The following PLCXD1 variants were observed in gnomAD, a reference collection of about 807,000 sequenced individuals.
PLCXD1 encodes the protein phosphatidylinositol specific phospholipase C X domain containing 1.
In PLCXD1, 45 loss-of-function variants were observed where a neutral mutation model predicts 37.8. That is an observed-to-expected ratio of 1.19 (90% confidence interval 0.94 to 1.53). The LOEUF is 1.53. Ranked by LOEUF, PLCXD1 falls within the 40% of genes most tolerant of loss-of-function variation. The probability of loss-of-function intolerance (pLI) is 0.00; values close to 1 mark genes in which losing one functional copy is unlikely to be tolerated. For missense variants in PLCXD1, 539 were observed against 454.7 expected (o/e 1.19, Z -1.69); for synonymous variants, 246 against 206.9 (o/e 1.19, Z -1.62).
rs1279271201 is a variant in PLCXD1, at chrX:291,654, G to A, written c.549G>A (p.Gly183=). The A allele has an allele frequency of 6.2e-7, 1 of 1,612,324 alleles. No homozygotes were observed. The highest frequency in any genetic ancestry group is 8.5e-7 in the Non-Finnish European group (1 of 1,179,744). ...TCGGGGACATGCTGTGTCCTCGTGG[G>A]GTGAGGAGGGGAAGGATATCCGCAC... ...NIFGDMLCPR[G]EVPTLRQLWS... is the part of the protein sequence containing the mutation. Residue 183 remains glycine (G), a splice_region_variant and synonymous_variant, in exon 5 of 7, where the codon GGG becomes GGA. Coordinates refer to ENST00000381657, the MANE Select transcript of PLCXD1 (RefSeq NM_018390.4).
intron 2 of PLCXD1, among the ~76,000 whole-genome samples, chrX:284,949 G>GC (rs1487859639): frequency 6.6e-6 from 1 of 152,082 alleles, no homozygotes; most frequent in African/African-American, 2.4e-5. Context: ...GGAAAGACCC[G>GC]CCCCGTGATT....
At chrX:291,921 A>T (rs1183148491) in intron 5 of PLCXD1, among the ~76,000 whole-genome samples, 1 of 151,812 alleles carries the variant, frequency 6.6e-6, no homozygotes, top group East Asian at 2.0e-4. Flanking sequence ...TCATCCCAGC[A>T]CTTTGGGAGG....
chrX:278,694 G>A (rs1407042978), upstream of PLCXD1, among the ~76,000 whole-genome samples: 2 of 138,162 alleles, frequency 1.4e-5, no homozygotes, highest in African/African-American at 2.7e-5. Context: ...AGCCGAGATT[G>A]CACCACTGCA....
At chrX:279,934 C>T (rs1191740330), upstream of PLCXD1, among the ~76,000 whole-genome samples, 1 of 152,140 alleles carries the variant, frequency 6.6e-6, no homozygotes, top group Non-Finnish European at 1.5e-5. Context: ...ACTGCAACCT[C>T]CGCCTCCCGG....
In PLCXD1 at chrX:299,383, G is replaced by T. The variant is rs111535574; in HGVS notation, c.*48G>T. 1 of 1,296,170 alleles carries T rather than the reference G, an allele frequency of 7.7e-7. No individual in the cohort carries two copies. Among genetic ancestry groups the T allele is most frequent in the Admixed American group, 1.7e-5 (1 of 59,394 alleles). 80.3% of individuals were successfully genotyped at this position (1,296,170 alleles called of 1,614,324 possible). ...ACGCGGCGGCTGCAGTTTCACCCCC[G>T]AATTTCCAAGTATTGTGACTTTGTT... On this transcript the variant is annotated 3_prime_UTR_variant, in exon 7 of 7. Transcript: ENST00000381657.
At chrX:291,306 C>A (rs899268330) in intron 4 of PLCXD1, among the ~76,000 whole-genome samples, 193 bp from the exon 5 acceptor site, 34 of 152,170 alleles carry the variant, frequency 2.2e-4, no homozygotes, top group African/African-American at 6.5e-4. Context: ...ACACCACGCC[C>A]AGCTAATTTT....
chrX:302,177 C>CG lies in PLCXD1; in HGVS notation c.*2845dup, dbSNP rs2070035989. 6.6e-6 allele frequency: 1 copy of CG among 151,882 alleles called. No homozygotes were observed. Among genetic ancestry groups the CG allele is most frequent in the Non-Finnish European group, 1.5e-5 (1 of 68,078 alleles). The allele number at this position is 151,882 out of a possible 1,614,324, so 9.4% of individuals were successfully genotyped here. On this transcript the variant is annotated 3_prime_UTR_variant, in exon 7 of 7. Transcript: ENST00000381657. ...TGCGTGGTGTGGCAGCGTCTTCTCT[C>CG]GGGAAGGGTCAGGAGTAATTTCTTC...
chrX:287,016 G>A (rs1257724428), intron 2 of PLCXD1, among the ~76,000 whole-genome samples: 5 of 151,798 alleles, frequency 3.3e-5, no homozygotes, highest in Admixed American at 2.0e-4. Flanking sequence ...GGGGCTTCAC[G>A]TTCCTCAGGG....
chrX:297,135 G>A (rs1480642628), intron 6 of PLCXD1, among the ~76,000 whole-genome samples: 1 of 47,888 alleles, frequency 2.1e-5, no homozygotes, highest in Non-Finnish European at 3.7e-5. Flanking sequence ...TATCACATGG[G>A]GATTAGGACG....
chrX:294,289 C>T (rs113160100), intron 6 of PLCXD1, among the ~76,000 whole-genome samples: 3,298 of 151,992 alleles, frequency 0.022, 62 homozygotes, highest in East Asian at 0.048. Flanking sequence ...GAGACCATCC[C>T]GGCTAACATG....
chrX:293,578 G>T (rs747303072), intron 6 of PLCXD1, among the ~76,000 whole-genome samples: 2 of 152,142 alleles, frequency 1.3e-5, no homozygotes, highest in Non-Finnish European at 2.9e-5. Flanking sequence ...TGACCAATGT[G>T]ATGAAACCCT....
chrX:284,255 G>T lies in PLCXD1; in HGVS notation c.68G>T (p.Trp23Leu), dbSNP rs2069372402. 1.2e-6 allele frequency: 2 copies of T among 1,613,236 alleles called. No homozygotes were observed. Among genetic ancestry groups the T allele is most frequent in the Non-Finnish European group, 8.5e-7 (1 of 1,179,462 alleles). The change falls in exon 2 of 7, where the codon TGG becomes TTG. Residue 23 changes from tryptophan (W) to leucine (L), a missense_variant. Transcript: ENST00000381657. Reference protein sequence around the residue: ...RLHCRNANEDWMSALCPRLWD... With the variant: ...RLHCRNANEDLMSALCPRLWD... ...CACTGCAGAAATGCCAACGAGGACT[G>T]GATGTCGGCACTGTGTCCCCGGCTC... is the stretch of plus-strand genomic sequence containing the variant.
rs1305676527 is a variant in PLCXD1, at chrX:300,685, T to C, written c.*1350T>C. ...ACACGTATACATATATACGTGCGTG[T>C]GTATGTGTATATATATATATGTGTA... On this transcript the variant is annotated 3_prime_UTR_variant, in exon 7 of 7. Transcript: ENST00000381657. 6.6e-6 allele frequency: 1 copy of C among 151,834 alleles called. No individual in the cohort carries two copies. Among genetic ancestry groups the C allele is most frequent in the African/African-American group, 2.4e-5 (1 of 41,242 alleles). The allele number at this position is 151,834 out of a possible 1,614,324, so 9.4% of individuals were successfully genotyped here. A position where few individuals can be genotyped will look rare whatever the true frequency, so the allele number is the denominator to read the frequency against.
At chrX:276,630 C>T (rs1040772911), upstream of PLCXD1, among the ~76,000 whole-genome samples, 26 of 152,126 alleles carry the variant, frequency 1.7e-4, no homozygotes, top group African/African-American at 5.3e-4. Context: ...CCTTGCAGAC[C>T]GTGAATTCTC....
chrX:288,870 G>A lies in PLCXD1; in HGVS notation c.264+1G>A. On this transcript the variant is annotated splice_donor_variant, in intron 3 of 6. Coordinates refer to ENST00000381657, the MANE Select transcript of PLCXD1 (RefSeq NM_018390.4). LOFTEE classifies it high-confidence loss of function. ...CGTGCTGAAATGGTCCGTCACCCAG[G>A]TACGGTCTGTGCCCCGTGCTGCTGA... 2 of 1,612,212 alleles carry A rather than the reference G, an allele frequency of 1.2e-6. No homozygotes were observed. Among genetic ancestry groups the A allele is most frequent in the South Asian group, 1.1e-5 (1 of 90,994 alleles).
In PLCXD1 at chrX:299,565, C is replaced by G. The variant is rs1464618309; in HGVS notation, c.*230C>G. The stretch of plus-strand genomic sequence containing the variant: ...ATGAGGTCAGGAGCTTGAGAGCAGC[C>G]TGACCAACATGGTGAAATCCCATCT... On this transcript the variant is annotated 3_prime_UTR_variant, in exon 7 of 7. Coordinates refer to ENST00000381657, the MANE Select transcript of PLCXD1 (RefSeq NM_018390.4). 1 of 592,058 alleles carries G rather than the reference C, an allele frequency of 1.7e-6. No homozygotes were observed. Among genetic ancestry groups the G allele is most frequent in the East Asian group, 2.8e-5 (1 of 35,874 alleles). The allele number at this position is 592,058 out of a possible 1,614,324, so 36.7% of individuals were successfully genotyped here. A position where few individuals can be genotyped will look rare whatever the true frequency, so the allele number is the denominator to read the frequency against.
intron 5 of PLCXD1, among the ~76,000 whole-genome samples, chrX:292,821 C>T (rs766266435): frequency 1.1e-4 from 16 of 152,094 alleles, no homozygotes; most frequent in Non-Finnish European, 1.9e-4. Flanking sequence ...CCATGTTGCC[C>T]GGGCTGGTCT....
intron 2 of PLCXD1, among the ~76,000 whole-genome samples, chrX:288,056 A>C (rs2069513388): frequency 6.6e-6 from 1 of 151,506 alleles, no homozygotes; most frequent in Non-Finnish European, 1.5e-5. Flanking sequence ...TTGTGGCCGC[A>C]TCACTCCAGT....
At chrX:285,636 C>T (rs1180130965) in intron 2 of PLCXD1, among the ~76,000 whole-genome samples, 1 of 152,080 alleles carries the variant, frequency 6.6e-6, no homozygotes, top group Non-Finnish European at 1.5e-5. Flanking sequence ...TGCACATGCA[C>T]ACGCGTGTAC....
Sources: allele counts gnomAD v4.1 joint callset (sites outside exome capture counted in the v4.1 genomes callset), GRCh38; gene constraint gnomAD v4.1.1; transcripts MANE v1.5; gene names NCBI Gene and HGNC (gene_info 2026-07-23, HGNC 2026-07-21).